LILRB4: variants seen among roughly 807,000 people sequenced by gnomAD.
LILRB4 encodes the protein leukocyte immunoglobulin like receptor B4.
In LILRB4, 49 loss-of-function variants were observed where a neutral mutation model predicts 55.2. That is an observed-to-expected ratio of 0.89 (90% confidence interval 0.71 to 1.13). LILRB4 has a LOEUF of 1.13. Among genes scored for constraint, LILRB4 ranks in the 50% most tolerant of loss-of-function variants. The pLI is 0.00. For synonymous variants in LILRB4, 229 were observed against 213.8 expected (o/e 1.07, Z -0.62); for missense variants, 590 against 555.2 (o/e 1.06, Z -0.63).
chr19:54,667,332 C>T, intron 10 of LILRB4: 2 of 602,832 alleles, frequency 3.3e-6, no homozygotes, highest in Non-Finnish European at 6.0e-6. Context: ...ACGGAGAGGG[C>T]CACGTGATCC....
rs768698332 is a variant in LILRB4 at position 54,664,750 on chromosome 19, A to G, written c.656-49A>G. 6.4e-6 allele frequency: 9 copies of G among 1,408,482 alleles called. No homozygotes were observed. In the Admixed American group the frequency reaches 1.1e-4, roughly 17 times the overall value. The allele number at this position is 1,408,482 out of a possible 1,614,324, so 87.2% of individuals were successfully genotyped here. On this transcript the variant is annotated intron_variant, in intron 4 of 11. Coordinates refer to ENST00000430952, the Ensembl canonical transcript of LILRB4. ...GGGAGAGGTTCAATTTGATGTGGAG[A>G]CCCAAGGGCAACCCCAGACTCTCAC...
Position 54,665,832 on chromosome 19 carries a change from G to T in LILRB4, c.775G>T (p.Glu259Ter), listed in dbSNP as rs753123231. The change falls in exon 7 of 12, where the codon GAG becomes TAG. Residue 259 changes from glutamate to a stop codon, truncating the protein, a stop_gained. Coordinates refer to ENST00000430952, the Ensembl canonical transcript of LILRB4. LOFTEE classifies it high-confidence loss of function. This position sits in a 1 kb window ranked among gnomAD's most constrained non-coding sequence, Gnocchi z 5.5. ...CGCCCAAGGTCTGAGAAGGCACTGG[G>T]AGGTACTGATCGGGGTCTTGGTGGT... is the stretch of plus-strand genomic sequence containing the variant. 1 of 1,610,716 alleles carries T rather than the reference G, an allele frequency of 6.2e-7. No individual in the cohort carries two copies. The highest frequency in any genetic ancestry group is 8.5e-7 in the Non-Finnish European group (1 of 1,178,598).
In LILRB4 at chr19:54,666,297, A is replaced by G; in HGVS notation, c.932A>G (p.Asp311Gly). The G allele has an allele frequency of 6.2e-7, 1 of 1,610,260 alleles. No homozygotes were observed. The highest frequency in any genetic ancestry group is 8.5e-7 in the Non-Finnish European group (1 of 1,177,962). ...GGGGCTGCCGAGCCAGAGCCCAAGGACGGGGGCCTACAGAGGAGGTAATTC... is the reference window on the plus strand; with the variant it reads ...GGGGCTGCCGAGCCAGAGCCCAAGGGCGGGGGCCTACAGAGGAGGTAATTC... The change falls in exon 8 of 12, where the codon GAC becomes GGC. Residue 311 changes from aspartate to glycine, a missense_variant. Asp to Gly is a moderately conservative substitution (Grantham distance 94, BLOSUM62 -1). Coordinates refer to ENST00000430952, the Ensembl canonical transcript of LILRB4. The surrounding 1 kb of genome is among the most constrained non-coding windows in gnomAD (Gnocchi z 4.8).
At chr19:54,663,493 G>A in intron 1 of LILRB4, 39 bp from the exon 2 acceptor site, 7 of 1,609,404 alleles carry the variant, frequency 4.3e-6, no homozygotes, top group East Asian at 2.2e-5. Flanking sequence ...ACCTGCTCAG[G>A]CTTCCGGGGC....
At chr19:54,663,973 G>T (rs199821178) in exon 3 of LILRB4, 2 of 1,614,108 alleles carry the variant, frequency 1.2e-6, no homozygotes, top group Admixed American at 1.7e-5. Flanking sequence ...GGGAGATACC[G>T]CTGTTACTAT....
At position 54,666,562 on chromosome 19, in the gene LILRB4, A is replaced by G; in HGVS notation, c.988+126A>G. Reference sequence around the variant, plus strand: ...TCAGGGAGAAGTGGTCTGAACCCACATTGTGGGACCTCGGGGACATCACAG... The same window carrying G: ...TCAGGGAGAAGTGGTCTGAACCCACGTTGTGGGACCTCGGGGACATCACAG... On this transcript the variant is annotated intron_variant, in intron 9 of 11. Transcript: ENST00000430952. The surrounding 1 kb of genome is among the most constrained non-coding windows in gnomAD (Gnocchi z 4.8). The G allele has an allele frequency of 1.4e-6, 2 of 1,434,354 alleles. No individual in the cohort carries two copies. Among genetic ancestry groups the G allele is most frequent in the South Asian group, 1.2e-5 (1 of 81,062 alleles). 88.9% of individuals were successfully genotyped at this position (1,434,354 alleles called of 1,614,324 possible). A position where few individuals can be genotyped will look rare whatever the true frequency, so the allele number is the denominator to read the frequency against.
intron 1 of LILRB4, 70 bp from the exon 2 acceptor site, chr19:54,663,462 A>AAAAAAAAAAAAAAAC: frequency 6.5e-7 from 1 of 1,533,804 alleles, no homozygotes; most frequent in Non-Finnish European, 8.8e-7. Flanking sequence ...AAAAAAAAAA[A>AAAAAAAAAAAAAAAC]AATCTCAGGG....
rs192578532 is a variant in LILRB4 at position 54,664,534 on chromosome 19, C to A, written c.655+49C>A. 1.5e-4 allele frequency: 227 copies of A among 1,534,482 alleles called. 1 individual carries two copies. In the African/African-American group the frequency reaches 1.9e-3, roughly 13 times the overall value. ...TCTGAGCTCAGTGGCTCCGTTCATGCCCTGCTGCCAGGAGAGCTCTGGGCA... is the reference window on the plus strand; with the variant it reads ...TCTGAGCTCAGTGGCTCCGTTCATGACCTGCTGCCAGGAGAGCTCTGGGCA... On this transcript the variant is annotated intron_variant, in intron 4 of 11. Transcript: ENST00000430952.
chr19:54,666,237 C>A lies in LILRB4; in HGVS notation c.875-3C>A, dbSNP rs1023233012. On this transcript the variant is annotated splice_polypyrimidine_tract_variant and splice_region_variant and intron_variant, in intron 7 of 11. Transcript: ENST00000430952. This position sits in a 1 kb window ranked among gnomAD's most constrained non-coding sequence, Gnocchi z 4.8. ...AGCTGAGACTCTGTCCATCTTCCCC[C>A]AGCCCAGAGACAGGCTGATTTCCAA... The A allele has an allele frequency of 6.3e-7, 1 of 1,589,506 alleles. No individual in the cohort carries two copies. Among genetic ancestry groups the A allele is most frequent in the Non-Finnish European group, 8.6e-7 (1 of 1,168,904 alleles).
exon 5 of LILRB4, chr19:54,664,823 C>T (rs780050224): frequency 5.0e-6 from 8 of 1,608,118 alleles, no homozygotes; most frequent in Non-Finnish European, 5.9e-6. Flanking sequence ...CCCAGGCCCT[C>T]ACCCACAAGG....
exon 4 of LILRB4, chr19:54,664,403 G>A (rs374286374): frequency 3.7e-6 from 6 of 1,612,614 alleles, no homozygotes; most frequent in Admixed American, 1.7e-5. Flanking sequence ...TGCACGGGGG[G>A]ACCTACAGGT....
chr19:54,664,427 C>G (rs758110982), exon 4 of LILRB4: 3 of 1,613,620 alleles, frequency 1.9e-6, no homozygotes, highest in African/African-American at 1.3e-5. Flanking sequence ...TCAGCTCACA[C>G]GGCTTCTCCC....
At chr19:54,667,952 C>T in exon 12 of LILRB4, 1 of 1,613,988 alleles carries the variant, frequency 6.2e-7, no homozygotes. Flanking sequence ...GCAACTGAGC[C>T]TCCTCCATCC....
At position 54,665,892 on chromosome 19, in the gene LILRB4, C is replaced by G. The variant is rs1599927332; in HGVS notation, c.835C>G (p.Leu279Val). The change falls in exon 7 of 12, where the codon CTC (leucine) becomes GTC (valine). Residue 279 changes from leucine (L) to valine (V), a missense_variant. Physicochemically the swap from Leu to Val is conservative, Grantham distance 32. Coordinates refer to ENST00000430952, the Ensembl canonical transcript of LILRB4. The surrounding 1 kb of genome is among the most constrained non-coding windows in gnomAD (Gnocchi z 5.5). ...GCTTCTCTCCCTCCTCCTCTTCCTC[C>G]TCCTCCAACACTGGCGTCAGGGAAA... 1 of 1,613,888 alleles carries G rather than the reference C, an allele frequency of 6.2e-7. No individual in the cohort carries two copies. The highest frequency in any genetic ancestry group is 2.2e-5 in the East Asian group (1 of 44,856).
chr19:54,667,900 G>A, exon 12 of LILRB4: 3 of 1,610,094 alleles, frequency 1.9e-6, no homozygotes, highest in Non-Finnish European at 2.5e-6. Context: ...CCCCCAGGAT[G>A]TGACCTACGC....
chr19:54,667,808 C>G lies in LILRB4; in HGVS notation c.1197+15C>G, dbSNP rs780987646. The G allele has an allele frequency of 6.2e-7, 1 of 1,610,644 alleles. No individual in the cohort carries two copies. On this transcript the variant is annotated intron_variant, in intron 11 of 11. Coordinates refer to ENST00000430952, the Ensembl canonical transcript of LILRB4. ...TGGACACTGAGGTGAGTCCTTTCCTCTCCAGGCCCCCAGGCCTCCCCCACC... is the reference window on the plus strand; with the variant it reads ...TGGACACTGAGGTGAGTCCTTTCCTGTCCAGGCCCCCAGGCCTCCCCCACC...
chr19:54,666,567 G>A lies in LILRB4; in HGVS notation c.989-130G>A. ...GAGAAGTGGTCTGAACCCACATTGT[G>A]GGACCTCGGGGACATCACAGCCCCT... is the stretch of plus-strand genomic sequence containing the variant. On this transcript the variant is annotated intron_variant, in intron 9 of 11. Transcript: ENST00000430952. This position sits in a 1 kb window ranked among gnomAD's most constrained non-coding sequence, Gnocchi z 4.8. The A allele has an allele frequency of 7.1e-7, 1 of 1,409,474 alleles. No individual in the cohort carries two copies. The highest frequency in any genetic ancestry group is 1.2e-5 in the South Asian group (1 of 80,018). The allele number at this position is 1,409,474 out of a possible 1,614,324, so 87.3% of individuals were successfully genotyped here.
Position 54,666,526 on chromosome 19 carries a change from T to A in LILRB4, c.988+90T>A. ...TGGGGGCAGGAGCACAGGCTAGGAT[T>A]GGTCAGGGACTCAGGGAGAAGTGGT... On this transcript the variant is annotated intron_variant, in intron 9 of 11. Transcript: ENST00000430952. The surrounding 1 kb of genome is among the most constrained non-coding windows in gnomAD (Gnocchi z 4.8). 1 of 1,528,424 alleles carries A rather than the reference T, an allele frequency of 6.5e-7. No individual in the cohort carries two copies. The highest frequency in any genetic ancestry group is 1.7e-5 in the Admixed American group (1 of 57,766). The allele number at this position is 1,528,424 out of a possible 1,614,324, so 94.7% of individuals were successfully genotyped here.
exon 1 of LILRB4, chr19:54,663,062 G>A: frequency 6.2e-7 from 1 of 1,612,968 alleles, no homozygotes; most frequent in Non-Finnish European, 8.5e-7. Flanking sequence ...GCTCTGCTCT[G>A]CCTCGGTGAG....
Sources: gnomAD v4.1 joint callset for allele counts on GRCh38, gnomAD v4.1.1 for gene constraint, Gnocchi (gnomAD v3.1) non-coding constraint, MANE v1.5 for transcripts, NCBI Gene and HGNC (gene_info 2026-07-23, HGNC 2026-07-21) for gene names.